The following SGCZ variants were observed in gnomAD, a reference collection of about 807,000 sequenced individuals.
SGCZ encodes the protein zeta-sarcoglycan.
In SGCZ, 40 loss-of-function variants were observed where a neutral mutation model predicts 41.3. The observed-to-expected ratio is 0.97, with a 90% CI of 0.75 to 1.26. The LOEUF is 1.26. SGCZ is among the 50% of genes most tolerant of loss of function. The pLI is 0.00. For missense variants in SGCZ, 552 were observed against 369.8 expected, an observed-to-expected ratio of 1.49 and a Z score of -4.04; for synonymous variants, 206 against 137.5, an observed-to-expected ratio of 1.50 and a Z score of -3.49.
chr8:15,063,268 A>G (rs894149609), intron 1 of SGCZ, among the ~76,000 whole-genome samples: 35 of 152,150 alleles, frequency 2.3e-4, no homozygotes, highest in African/African-American at 8.4e-4. Context: ...GCCAATGAAC[A>G]TAAGCACATT....
intron 1 of SGCZ, among the ~76,000 whole-genome samples, chr8:14,705,020 T>C (rs1349292238): frequency 1.3e-5 from 2 of 151,996 alleles, no homozygotes; most frequent in East Asian, 1.9e-4. Context: ...TTGATATTAA[T>C]AGCCACCAAA....
intron 3 of SGCZ, among the ~76,000 whole-genome samples, chr8:14,314,386 C>G (rs1801648668): frequency 2.0e-5 from 3 of 152,044 alleles, no homozygotes; most frequent in Admixed American, 2.0e-4. Context: ...AATCAAAATA[C>G]AGATTTTTTT....
At chr8:15,142,619 G>A (rs529646086) in intron 1 of SGCZ, among the ~76,000 whole-genome samples, 1 of 151,832 alleles carries the variant, frequency 6.6e-6, no homozygotes, top group Admixed American at 6.6e-5. Context: ...TAACAATGAT[G>A]ACTTCCCATA....
intron 4 of SGCZ, among the ~76,000 whole-genome samples, chr8:14,200,856 C>T (rs940068186): frequency 3.3e-5 from 5 of 152,028 alleles, no homozygotes; most frequent in African/African-American, 1.2e-4. Flanking sequence ...AATGAAGATA[C>T]GTCACAGAGC....
intron 2 of SGCZ, among the ~76,000 whole-genome samples, chr8:14,365,604 G>A (rs1434306840): frequency 6.6e-6 from 1 of 152,042 alleles, no homozygotes; most frequent in East Asian, 1.9e-4. Context: ...CTCTTGAAAA[G>A]TTTAAGGTTA....
At chr8:15,068,133 C>T (rs1585530620) in intron 1 of SGCZ, among the ~76,000 whole-genome samples, 1 of 152,234 alleles carries the variant, frequency 6.6e-6, no homozygotes, top group East Asian at 1.9e-4. Flanking sequence ...CTTTGAAACT[C>T]TTATAAGGAA....
rs900012967 is a variant in SGCZ, at chr8:14,743,150, T to C, written c.40-188224A>G. Among the ~76,000 whole-genome samples the C allele has an allele frequency of 7.2e-5, 11 of 152,232 alleles. 1 individual carries two copies. The highest frequency in any genetic ancestry group is 2.6e-4 in the African/African-American group (11 of 41,590). On this transcript the variant is annotated intron_variant, in intron 1 of 7. Transcript: ENST00000382080. ...TTCTAAATAAAGTCATGATTATTAA[T>C]ATGTTAGTGAATGCCCCCAAATTTT...
chr8:14,340,136 A>C (rs969646395), intron 2 of SGCZ, among the ~76,000 whole-genome samples: 1 of 152,046 alleles, frequency 6.6e-6, no homozygotes, highest in African/African-American at 2.4e-5. Context: ...TGTTGTTTCA[A>C]TTCTGTTTTT....
chr8:15,077,182 C>T (rs1404533730), intron 1 of SGCZ, among the ~76,000 whole-genome samples: 2 of 152,044 alleles, frequency 1.3e-5, no homozygotes, highest in Non-Finnish European at 2.9e-5. Flanking sequence ...TATACTTGAC[C>T]AAACTCGACT....
At chr8:14,190,438 C>T (rs1035283270) in intron 4 of SGCZ, among the ~76,000 whole-genome samples, 2 of 151,374 alleles carry the variant, frequency 1.3e-5, no homozygotes, top group South Asian at 4.2e-4. Context: ...ATTATTGATA[C>T]GTCTATCAAC....
At chr8:14,335,488 T>C (rs1802476322) in intron 2 of SGCZ, among the ~76,000 whole-genome samples, 1 of 152,128 alleles carries the variant, frequency 6.6e-6, no homozygotes, top group Admixed American at 6.6e-5. Flanking sequence ...TATGTAATAT[T>C]AGCTTCTTTT....
chr8:14,967,043 C>G (rs1467275577), intron 1 of SGCZ, among the ~76,000 whole-genome samples: 1 of 152,088 alleles, frequency 6.6e-6, no homozygotes, highest in Non-Finnish European at 1.5e-5. Flanking sequence ...GTGTTAAGCA[C>G]CAGAAATACA....
chr8:14,239,175 A>T (rs908064502), intron 3 of SGCZ, among the ~76,000 whole-genome samples: 2 of 151,972 alleles, frequency 1.3e-5, no homozygotes, highest in Non-Finnish European at 2.9e-5. Flanking sequence ...GATTGTTTGC[A>T]AACAGCTATC....
At chr8:14,404,787 A>G (rs1259549265) in intron 2 of SGCZ, among the ~76,000 whole-genome samples, 1 of 152,180 alleles carries the variant, frequency 6.6e-6, no homozygotes, top group Non-Finnish European at 1.5e-5. Flanking sequence ...CAAGGTGCTG[A>G]AACCTGCAAA....
intron 2 of SGCZ, among the ~76,000 whole-genome samples, chr8:14,350,979 G>A (rs371249959): frequency 6.6e-6 from 1 of 152,076 alleles, no homozygotes; most frequent in Non-Finnish European, 1.5e-5. Context: ...AGGTTCCATT[G>A]CTCATGTCTA....
At chr8:15,198,789 G>A (rs1800810179) in intron 1 of SGCZ, among the ~76,000 whole-genome samples, 1 of 152,100 alleles carries the variant, frequency 6.6e-6, no homozygotes, top group African/African-American at 2.4e-5. Context: ...GCTCAATGTC[G>A]CACAGCTAAG....
chr8:14,968,974 C>G (rs971915648), intron 1 of SGCZ, among the ~76,000 whole-genome samples: 2 of 151,998 alleles, frequency 1.3e-5, no homozygotes, highest in African/African-American at 2.4e-5. Flanking sequence ...AAAGCATTTT[C>G]TTTACATAGT....
intron 1 of SGCZ, among the ~76,000 whole-genome samples, chr8:14,771,224 C>T (rs1800226433): frequency 6.6e-6 from 1 of 151,984 alleles, no homozygotes; most frequent in African/African-American, 2.4e-5. Context: ...ATAGTGATCA[C>T]CAAAATTAAG....
intron 2 of SGCZ, among the ~76,000 whole-genome samples, chr8:14,432,065 C>T (rs1799957863): frequency 6.6e-6 from 1 of 152,144 alleles, no homozygotes; most frequent in African/African-American, 2.4e-5. Flanking sequence ...ACAGGGAACA[C>T]TTCTACCCTG....
Sources: gnomAD v4.1 joint callset for allele counts (sites outside exome capture counted in the v4.1 genomes callset) on GRCh38, gnomAD v4.1.1 for gene constraint, MANE v1.5 for transcripts, NCBI Gene and HGNC (gene_info 2026-07-23, HGNC 2026-07-21) for gene names.